Variants in STS observed in about 807,000 individuals in gnomAD.
The protein encoded by STS is steroid sulfatase, also known as steryl-sulfatase.
A neutral mutation model predicts 26.8 loss-of-function variants in STS; 7 were observed. The observed-to-expected ratio is 0.26, with a 90% CI of 0.15 to 0.49. STS has a LOEUF of 0.49. Ranked by LOEUF, STS falls within the 20% of genes least tolerant of loss-of-function variation. The pLI, the probability that STS is intolerant of heterozygous loss-of-function variation, is 0.98. For missense variants in STS, 434 were observed against 465.6 expected (o/e 0.93, Z 0.63); for synonymous variants, 199 against 189.4 (o/e 1.05, Z -0.42).
At chrX:7,160,613 A>G (rs1933221787) in intron 1 of STS, among the ~76,000 whole-genome samples, 1 of 111,874 alleles carries the variant, frequency 8.9e-6, no homozygotes, top group Admixed American at 9.5e-5. Context: ...TTAACCTCAT[A>G]TATGAAAATA....
At chrX:7,269,971 C>T (rs1418407319) in intron 6 of STS, among the ~76,000 whole-genome samples, 1 of 111,613 alleles carries the variant, frequency 9.0e-6, no homozygotes, top group African/African-American at 3.3e-5. Context: ...TACTTTATGG[C>T]AGACAGAAAA....
chrX:7,253,634 C>T (rs777834345), intron 3 of STS, among the ~76,000 whole-genome samples: 1 of 111,888 alleles, frequency 8.9e-6, no homozygotes, highest in Non-Finnish European at 1.9e-5. Flanking sequence ...ACATTTCCAT[C>T]CCTTTTGTTC....
intron 2 of STS, among the ~76,000 whole-genome samples, chrX:7,234,652 C>T (rs1922229238): frequency 9.0e-6 from 1 of 111,431 alleles, no homozygotes; most frequent in African/African-American, 3.3e-5. Context: ...AACACTCTAC[C>T]TCTGAAATCT....
rs762442140 is a variant in STS at position 7,179,564 on chromosome X, T to C, written c.-133-11316T>C. ...GTACATGTATTCACACCCAAGGCTCTGATTTCAAAACCAACCGGCAGTGAA... is the reference window on the plus strand; with the variant it reads ...GTACATGTATTCACACCCAAGGCTCCGATTTCAAAACCAACCGGCAGTGAA... On this transcript the variant is annotated intron_variant, in intron 1 of 10. Transcript: ENST00000674429. Among the ~76,000 whole-genome samples the C allele has an allele frequency of 5.3e-5, 6 of 112,724 alleles. No individual in the cohort carries two copies. The South Asian group carries it at 2.2e-3, about 41-fold the overall frequency.
chrX:7,341,209 C>T (rs756493267), intron 10 of STS, among the ~76,000 whole-genome samples: 16 of 111,797 alleles, frequency 1.4e-4, no homozygotes, highest in Admixed American at 1.9e-4. Context: ...TCCCATTAAT[C>T]GAAATGTCTT....
chrX:7,225,573 C>T (rs1921763877), intron 2 of STS, among the ~76,000 whole-genome samples: 1 of 111,389 alleles, frequency 9.0e-6, no homozygotes, highest in Admixed American at 9.5e-5. Flanking sequence ...GGGAGCTGTT[C>T]ATATAGGTGC....
chrX:7,177,643 G>A (rs1365309423), intron 1 of STS, among the ~76,000 whole-genome samples: 2 of 107,815 alleles, frequency 1.9e-5, no homozygotes, highest in African/African-American at 6.8e-5. Flanking sequence ...TTCCCAAGTA[G>A]GTGGAATTAC....
At chrX:7,252,893 CT>C (rs1291999119) in intron 2 of STS, among the ~76,000 whole-genome samples, 2 of 111,535 alleles carry the variant, frequency 1.8e-5, no homozygotes, top group Non-Finnish European at 3.8e-5. Flanking sequence ...TCGTTCAGGC[CT>C]GTAATCAGCA....
chrX:7,223,326 G>A (rs1569194029), intron 2 of STS, among the ~76,000 whole-genome samples: 2 of 112,102 alleles, frequency 1.8e-5, no homozygotes. Flanking sequence ...TCTCCATACC[G>A]TTTTCCATAG....
At position 7,354,523 on chromosome X, in the gene STS, A is replaced by AT. The variant is rs772259016; in HGVS notation, c.*4264dup. 8.9e-6 allele frequency: 1 copy of AT among 112,217 alleles called. No homozygotes were observed. Among genetic ancestry groups the AT allele is most frequent in the South Asian group, 3.7e-4 (1 of 2,684 alleles). 9.2% of individuals were successfully genotyped at this position (112,217 alleles called of 1,213,427 possible). ...AGCTCAGCTTTCTGAGGCCCTGAGC[A>AT]TTCTTGGTTTTCCGACATCGTGAAC... On this transcript the variant is annotated 3_prime_UTR_variant, in exon 11 of 11. Transcript: ENST00000674429.
chrX:7,349,778 C>G (rs1287251101), intron 10 of STS, 110 bp from the exon 11 acceptor site: 1 of 1,065,515 alleles, frequency 9.4e-7, no homozygotes, highest in Non-Finnish European at 1.3e-6. Context: ...CTTATGATAT[C>G]TTCACCTTCT....
chrX:7,268,371 T>C (rs779424558), intron 6 of STS, among the ~76,000 whole-genome samples: 2 of 111,841 alleles, frequency 1.8e-5, no homozygotes, highest in South Asian at 7.5e-4. Context: ...ATTGGGTTCC[T>C]CCAGCCTAGC....
chrX:7,341,019 G>GA (rs1201446364), intron 10 of STS, among the ~76,000 whole-genome samples: 2 of 111,421 alleles, frequency 1.8e-5, no homozygotes, highest in African/African-American at 3.3e-5. Flanking sequence ...GTACCCAGAG[G>GA]AACACTCAAT....
At chrX:7,324,485 G>A (rs771303021) in intron 8 of STS, among the ~76,000 whole-genome samples, 23 of 112,120 alleles carry the variant, frequency 2.1e-4, no homozygotes, top group African/African-American at 7.4e-4. Context: ...CTGCACAAGA[G>A]ACAGCTTTGT....
chrX:7,163,056 CAAAAAAAA>C (rs60006129), intron 1 of STS, among the ~76,000 whole-genome samples: 2 of 74,957 alleles, frequency 2.7e-5, no homozygotes. Context: ...GACTCCGTCT[CAAAAAAAA>C]AAAAAAAAAA....
rs757708050 is a variant in STS, at chrX:7,220,523, T to C, written c.-5+29515T>C. ...CTCTGGGTGAAATGTTACCGATTCC[T>C]AAGAAATCCTGGATGTCAGATTTTT... On this transcript the variant is annotated intron_variant, in intron 2 of 10. Transcript: ENST00000674429. Among the ~76,000 whole-genome samples, 44 of 106,222 alleles carry C rather than the reference T, an allele frequency of 4.1e-4. No individual in the cohort carries two copies. The Admixed American group carries it at 4.3e-3, about 10-fold the overall frequency. 92.2% of individuals were successfully genotyped at this position (106,222 alleles called of 115,157 possible).
rs771260655 is a variant in STS at position 7,166,792 on chromosome X, C to T, written c.-134+18709C>T. Among the ~76,000 whole-genome samples, 12 of 111,776 alleles carry T rather than the reference C, an allele frequency of 1.1e-4. No homozygotes were observed. The South Asian group carries it at 2.7e-3, about 25-fold the overall frequency. On this transcript the variant is annotated intron_variant, in intron 1 of 10. Coordinates refer to ENST00000674429, the MANE Select transcript of STS (RefSeq NM_001320752.2). ...GTTCATAGAATCAAAGAGAAAACCA[C>T]TAACCAGGAACGGTTGTCTTCAAGA...
chrX:7,161,326 C>A (rs5979076), intron 1 of STS, among the ~76,000 whole-genome samples: 1 of 110,089 alleles, frequency 9.1e-6, no homozygotes, highest in Non-Finnish European at 1.9e-5. Context: ...TATTACTGCA[C>A]TTTTTACAGT....
At chrX:7,309,365 G>A (rs1926372965) in intron 8 of STS, among the ~76,000 whole-genome samples, 2 of 109,846 alleles carry the variant, frequency 1.8e-5, no homozygotes, top group Admixed American at 2.0e-4. Context: ...CACATAAAAG[G>A]AAACAACAGA....
Sources: gnomAD v4.1 joint callset for allele counts (sites outside exome capture counted in the v4.1 genomes callset) on GRCh38, gnomAD v4.1.1 for gene constraint, MANE v1.5 for transcripts, NCBI Gene and HGNC (gene_info 2026-07-23, HGNC 2026-07-21) for gene names.